The following PITPNA variants were observed in gnomAD, a reference collection of about 807,000 sequenced individuals.
PITPNA encodes the protein phosphatidylinositol transfer protein alpha.
In PITPNA, 13 loss-of-function variants were observed where a neutral mutation model predicts 50.3. The ratio of observed to expected loss-of-function variants is 0.26; its 90% CI spans 0.17 to 0.41. PITPNA has a LOEUF of 0.41. Ranked by LOEUF, PITPNA falls within the 10% of genes least tolerant of loss-of-function variation. The probability of loss-of-function intolerance (pLI) is 1.00; values close to 1 mark genes in which losing one functional copy is unlikely to be tolerated. For missense variants in PITPNA, 207 were observed against 333.4 expected, an observed-to-expected ratio of 0.62 and a Z score of 2.95; for synonymous variants, 120 against 119.6, an observed-to-expected ratio of 1.00 and a Z score of -0.02.
intron 10 of PITPNA, among the ~76,000 whole-genome samples, chr17:1,531,531 G>GA (rs1349180043): frequency 1.3e-5 from 2 of 151,418 alleles, no homozygotes; most frequent in Admixed American, 6.6e-5. Flanking sequence ...GCCTGTCTCA[G>GA]AAAAAAAATA....
In PITPNA at chr17:1,517,835, G is replaced by A. The variant is rs567136787; in HGVS notation, c.*2726C>T. The A allele has an allele frequency of 1.3e-5, 2 of 152,438 alleles. No individual in the cohort carries two copies. The highest frequency in any genetic ancestry group is 4.1e-4 in the South Asian group (2 of 4,824). The allele number at this position is 152,438 out of a possible 1,614,324, so 9.4% of individuals were successfully genotyped here. A position where few individuals can be genotyped will look rare whatever the true frequency, so the allele number is the denominator to read the frequency against. The stretch of plus-strand genomic sequence containing the variant: ...AATGTTTGCATAAGTAAACTGACAC[G>A]GGACTATTATATGCAGAAATCCACG... On this transcript the variant is annotated 3_prime_UTR_variant, in exon 12 of 12. Transcript: ENST00000313486.
At chr17:1,521,334 C>T (rs2151000719) in intron 11 of PITPNA, among the ~76,000 whole-genome samples, 1 of 148,364 alleles carries the variant, frequency 6.7e-6, no homozygotes, top group South Asian at 2.1e-4. Context: ...ATGAACTCCC[C>T]TTCTATATCC....
At chr17:1,543,982 GC>G (rs1458060603) in intron 4 of PITPNA, among the ~76,000 whole-genome samples, 3 of 152,302 alleles carry the variant, frequency 2.0e-5, no homozygotes, top group Non-Finnish European at 4.4e-5. Flanking sequence ...GCCGTGGTGG[GC>G]CCCGGAGGCC....
Position 1,553,160 on chromosome 17 carries a change from G to C in PITPNA, c.52-11C>G, listed in dbSNP as rs747942700. 3.7e-6 allele frequency: 6 copies of C among 1,613,706 alleles called. No homozygotes were observed. The highest frequency in any genetic ancestry group is 1.6e-4 in the Middle Eastern group (1 of 6,084). On this transcript the variant is annotated splice_polypyrimidine_tract_variant and intron_variant, in intron 2 of 11. Transcript: ENST00000313486. ...CTGCCCCACTTGATACTAAAGGACA[G>C]AGACAGATGTTATTCTCAACACGGA...
chr17:1,545,683 C>G (rs527964531), intron 4 of PITPNA, among the ~76,000 whole-genome samples: 12 of 152,244 alleles, frequency 7.9e-5, no homozygotes, highest in African/African-American at 2.6e-4. Flanking sequence ...GGCCAAGGAT[C>G]AATATATGAA....
chr17:1,542,029 G>A (rs1048188097), intron 5 of PITPNA, among the ~76,000 whole-genome samples: 5 of 151,880 alleles, frequency 3.3e-5, no homozygotes, highest in Non-Finnish European at 5.9e-5. Flanking sequence ...GGTGAAACCC[G>A]TCTCTACTAA....
rs2075695201 is a variant in PITPNA, at chr17:1,549,251, T to C, written c.198-864A>G. ...TCAGGTTACAGAACAACATGTACAG[T>C]ATAAGCCCCCTGCTTTTTTTTTTTT... On this transcript the variant is annotated intron_variant, in intron 3 of 11. Transcript: ENST00000313486. Among the ~76,000 whole-genome samples, 5 of 150,394 alleles carry C rather than the reference T, an allele frequency of 3.3e-5. No individual in the cohort carries two copies. The South Asian group carries it at 1.0e-3, about 32-fold the overall frequency.
chr17:1,558,780 G>GC (rs1231466696), intron 1 of PITPNA, among the ~76,000 whole-genome samples: 222 of 28,328 alleles, frequency 7.8e-3, no homozygotes, highest in Middle Eastern at 0.017. Flanking sequence ...CCCCCCCCCC[G>GC]CCCCCCCCCC....
intron 8 of PITPNA, 71 bp downstream of exon 8, chr17:1,535,370 G>C: frequency 4.0e-6 from 6 of 1,504,500 alleles, no homozygotes; most frequent in Non-Finnish European, 5.6e-6. Flanking sequence ...CCCCAGCCAT[G>C]CCCCTCCTCC....
At chr17:1,543,577 G>A (rs1189536094) in intron 4 of PITPNA, among the ~76,000 whole-genome samples, 1 of 152,094 alleles carries the variant, frequency 6.6e-6, no homozygotes, top group Admixed American at 6.6e-5. Context: ...ATGTCACTGG[G>A]GAACAGACTA....
At chr17:1,549,032 T>C (rs540153765) in intron 3 of PITPNA, among the ~76,000 whole-genome samples, 2 of 152,008 alleles carry the variant, frequency 1.3e-5, no homozygotes, top group South Asian at 2.1e-4. Context: ...CTCAGCCTCT[T>C]GAGTAGCTGG....
At chr17:1,534,341 G>T (rs574892612) in intron 9 of PITPNA, 120 bp from the exon 10 acceptor site, 2 of 1,227,692 alleles carry the variant, frequency 1.6e-6, no homozygotes, top group African/African-American at 1.5e-5. Flanking sequence ...ACAGGAGGAG[G>T]AGTAATGCCC....
chr17:1,524,736 C>T, intron 10 of PITPNA, among the ~76,000 whole-genome samples: 1 of 151,894 alleles, frequency 6.6e-6, no homozygotes, highest in East Asian at 2.0e-4. Flanking sequence ...GTAATCCCAG[C>T]TACTTGGGAG....
At position 1,562,593 on chromosome 17, in the gene PITPNA, C is replaced by A; in HGVS notation, c.-33G>T. 1.1e-5 allele frequency: 14 copies of A among 1,261,600 alleles called. No individual in the cohort carries two copies. Among genetic ancestry groups the A allele is most frequent in the Non-Finnish European group, 1.4e-5 (14 of 999,404 alleles). The allele number at this position is 1,261,600 out of a possible 1,614,324, so 78.2% of individuals were successfully genotyped here. On this transcript the variant is annotated 5_prime_UTR_variant, in exon 1 of 12. Transcript: ENST00000313486. The surrounding 1 kb of genome is among the most constrained non-coding windows in gnomAD (Gnocchi z 6.4). Reference sequence around the variant, plus strand: ...CGCGGCTCGGTGGCTGCCCGCGGCCCGCCCGGCCTCCCGCCCGCTGCCCGC... The same window carrying A: ...CGCGGCTCGGTGGCTGCCCGCGGCCAGCCCGGCCTCCCGCCCGCTGCCCGC...
chr17:1,524,358 T>C (rs2075534541), intron 10 of PITPNA, among the ~76,000 whole-genome samples: 1 of 151,106 alleles, frequency 6.6e-6, no homozygotes, highest in South Asian at 2.1e-4. Context: ...TTTTTTTTTT[T>C]TTTTGAGACA....
intron 10 of PITPNA, among the ~76,000 whole-genome samples, chr17:1,528,600 T>C (rs956396942): frequency 6.6e-6 from 1 of 151,818 alleles, no homozygotes; most frequent in African/African-American, 2.4e-5. Flanking sequence ...TAGTCAGGTG[T>C]AGTGGTGGGA....
intron 4 of PITPNA, 63 bp from the exon 5 acceptor site, chr17:1,543,090 T>C: frequency 7.7e-7 from 1 of 1,303,828 alleles, no homozygotes; most frequent in Non-Finnish European, 1.1e-6. Flanking sequence ...AAGAAATATC[T>C]GCCCCCCACC....
At chr17:1,525,934 G>A (rs1359482119) in intron 10 of PITPNA, among the ~76,000 whole-genome samples, 1 of 152,214 alleles carries the variant, frequency 6.6e-6, no homozygotes, top group Non-Finnish European at 1.5e-5. Flanking sequence ...AAGTCCCCTA[G>A]CTCTATCCTA....
At chr17:1,540,377 C>CTAG (rs1241433001) in intron 6 of PITPNA, among the ~76,000 whole-genome samples, 1 of 152,144 alleles carries the variant, frequency 6.6e-6, no homozygotes, top group East Asian at 1.9e-4. Context: ...TAACAGCCAC[C>CTAG]TCTAAGAGAT....
Sources: gnomAD v4.1 joint callset for allele counts (sites outside exome capture counted in the v4.1 genomes callset) on GRCh38, gnomAD v4.1.1 for gene constraint, Gnocchi (gnomAD v3.1) non-coding constraint, MANE v1.5 for transcripts, NCBI Gene and HGNC (gene_info 2026-07-23, HGNC 2026-07-21) for gene names.